Variants in COL26A1 observed in about 807,000 individuals in gnomAD.
COL26A1 encodes collagen alpha-1(XXVI) chain.
COL26A1 carries 41 observed loss-of-function variants against 59.3 expected under a neutral mutation model. The observed-to-expected ratio is 0.69, with a 90% CI of 0.54 to 0.90. COL26A1 has a LOEUF of 0.90. Among genes scored for constraint, COL26A1 ranks in the 40% least tolerant of loss-of-function variants. The pLI, the probability that COL26A1 is intolerant of heterozygous loss-of-function variation, is 0.00. For synonymous variants in COL26A1, 266 were observed against 256.0 expected, an observed-to-expected ratio of 1.04 and a Z score of -0.37; for missense variants, 612 against 602.3, an observed-to-expected ratio of 1.02 and a Z score of -0.17.
chr7:101,505,273 A>G (rs1192313144), intron 3 of COL26A1, among the ~76,000 whole-genome samples: 1 of 151,620 alleles, frequency 6.6e-6, no homozygotes, highest in Non-Finnish European at 1.5e-5. Flanking sequence ...GTGAGTGTGC[A>G]TGAATGTGTA....
chr7:101,398,545 C>G (rs1044772888), intron 1 of COL26A1, among the ~76,000 whole-genome samples: 5 of 152,188 alleles, frequency 3.3e-5, no homozygotes, highest in African/African-American at 4.8e-5. Context: ...CAAGCAGCCT[C>G]TAAGATGTCA....
At chr7:101,387,019 G>A (rs1336013999) in intron 1 of COL26A1, among the ~76,000 whole-genome samples, 1 of 152,124 alleles carries the variant, frequency 6.6e-6, no homozygotes, top group Non-Finnish European at 1.5e-5. Flanking sequence ...TAGGGTTACC[G>A]CACACCAGGA....
intron 3 of COL26A1, among the ~76,000 whole-genome samples, chr7:101,476,326 T>C (rs1047438961): frequency 6.6e-6 from 1 of 152,144 alleles, no homozygotes; most frequent in African/African-American, 2.4e-5. Context: ...TATATGCCCA[T>C]GTGTTAGTGT....
chr7:101,496,825 G>A (rs1368555015), intron 3 of COL26A1, among the ~76,000 whole-genome samples: 1 of 151,618 alleles, frequency 6.6e-6, no homozygotes, highest in East Asian at 1.9e-4. Flanking sequence ...GGTGGAGGTT[G>A]CAGTGAGCCG....
Position 101,411,441 on chromosome 7 carries a change from G to A in COL26A1, c.159-8536G>A, listed in dbSNP as rs1584384131. ...ACTGCAGGCTGGGAGGGCAGGAGGG[G>A]CCGAGGTTCAGGACCACCATGGGAG... On this transcript the variant is annotated intron_variant, in intron 1 of 12. Transcript: ENST00000313669. Among the ~76,000 whole-genome samples, 4 of 152,172 alleles carry A rather than the reference G, an allele frequency of 2.6e-5. 1 individual carries two copies. Among genetic ancestry groups the A allele is most frequent in the Admixed American group, 2.6e-4 (4 of 15,286 alleles).
At chr7:101,369,905 C>T (rs536329938) in intron 1 of COL26A1, among the ~76,000 whole-genome samples, 46 of 152,118 alleles carry the variant, frequency 3.0e-4, no homozygotes, top group Non-Finnish European at 5.4e-4. Flanking sequence ...TCTTGTTGCC[C>T]ATGCTGGAGT....
At chr7:101,370,547 T>C (rs574695276) in intron 1 of COL26A1, among the ~76,000 whole-genome samples, 108 of 152,028 alleles carry the variant, frequency 7.1e-4, no homozygotes, top group Non-Finnish European at 1.1e-3. Context: ...ATTTTTTGTA[T>C]TTTTAGAAGA....
chr7:101,442,620 AAGGCGTGACTCCCC>A (rs1793086193), intron 2 of COL26A1, among the ~76,000 whole-genome samples: 1 of 152,176 alleles, frequency 6.6e-6, no homozygotes, highest in South Asian at 2.1e-4. Context: ...TGTGGTTTGA[AAGGCGTGACTCCCC>A]AGGCTCCTTA....
intron 1 of COL26A1, among the ~76,000 whole-genome samples, chr7:101,378,582 G>A (rs922631778): frequency 6.6e-6 from 1 of 151,642 alleles, no homozygotes; most frequent in South Asian, 2.1e-4. Context: ...GGCTGGTCTC[G>A]AACTCCTGGC....
chr7:101,457,220 G>A (rs555883158), intron 3 of COL26A1, among the ~76,000 whole-genome samples: 4 of 152,212 alleles, frequency 2.6e-5, no homozygotes, highest in Admixed American at 1.3e-4. Flanking sequence ...ATGAGTCCGG[G>A]TGGGGTCAGT....
At chr7:101,392,648 C>T (rs979238193) in intron 1 of COL26A1, among the ~76,000 whole-genome samples, 4 of 152,002 alleles carry the variant, frequency 2.6e-5, no homozygotes, top group African/African-American at 7.2e-5. Flanking sequence ...GTGATCCACC[C>T]GCCTCAGCCT....
rs142379089 is a variant in COL26A1 at position 101,394,064 on chromosome 7, C to T, written c.159-25913C>T. Among the ~76,000 whole-genome samples the T allele has an allele frequency of 4.2e-3, 643 of 151,954 alleles. 3 individuals carry two copies. Among genetic ancestry groups the T allele is most frequent in the African/African-American group, 0.014 (591 of 41,434 alleles). ...AAGTGCTGGGATTATAGGCATGAGC[C>T]ACTGCGCCTGGCTGGGAACCAATGC... On this transcript the variant is annotated intron_variant, in intron 1 of 12. Transcript: ENST00000313669.
Position 101,420,022 on chromosome 7 carries a change from G to A in COL26A1, c.204G>A (p.Val68=). The A allele has an allele frequency of 6.2e-7, 1 of 1,613,818 alleles. No homozygotes were observed. Among genetic ancestry groups the A allele is most frequent in the Non-Finnish European group, 8.5e-7 (1 of 1,179,886 alleles). ...TGACACGGACGGTGTCCTGCCAGGT[G>A]CAGAATGGCTCGGAGACGGTGGTCC... is the stretch of plus-strand genomic sequence containing the variant. ...HTVTRTVSCQ[V]QNGSETVVQR... is the part of the protein sequence containing the mutation. The change falls in exon 2 of 13, where the codon GTG becomes GTA. Residue 68 remains valine, a synonymous_variant. Transcript: ENST00000313669.
At chr7:101,376,905 C>T (rs1791330550) in intron 1 of COL26A1, among the ~76,000 whole-genome samples, 1 of 152,142 alleles carries the variant, frequency 6.6e-6, no homozygotes, top group African/African-American at 2.4e-5. Context: ...GTCACCCAGA[C>T]TAGAGTGCAG....
At chr7:101,480,731 G>A (rs1794138382) in intron 3 of COL26A1, among the ~76,000 whole-genome samples, 1 of 152,110 alleles carries the variant, frequency 6.6e-6, no homozygotes, top group Non-Finnish European at 1.5e-5. Context: ...TCGAACTCTT[G>A]GGCTCAAGCG....
intron 7 of COL26A1, 56 bp downstream of exon 7, chr7:101,545,546 G>A: frequency 6.5e-7 from 1 of 1,536,616 alleles, no homozygotes. Context: ...TGTTCTGGGA[G>A]GGATCAGCCT....
At chr7:101,443,519 A>G (rs1793111096) in intron 2 of COL26A1, among the ~76,000 whole-genome samples, 1 of 152,118 alleles carries the variant, frequency 6.6e-6, no homozygotes, top group South Asian at 2.1e-4. Context: ...TGATTGTTTC[A>G]TTCACCGATT....
At chr7:101,412,523 T>C (rs1792266467) in intron 1 of COL26A1, among the ~76,000 whole-genome samples, 1 of 151,504 alleles carries the variant, frequency 6.6e-6, no homozygotes, top group South Asian at 2.1e-4. Flanking sequence ...TGTGCACCTG[T>C]AATCCCAGCT....
intron 1 of COL26A1, among the ~76,000 whole-genome samples, chr7:101,411,426 G>A (rs1490794647): frequency 1.3e-5 from 2 of 152,144 alleles, no homozygotes; most frequent in Non-Finnish European, 2.9e-5. Context: ...ACTGCAGGCT[G>A]GGAGGGCAGG....
Sources: gnomAD v4.1 joint callset for allele counts (sites outside exome capture counted in the v4.1 genomes callset) on GRCh38, gnomAD v4.1.1 for gene constraint, MANE v1.5 for transcripts, NCBI Gene and HGNC (gene_info 2026-07-23, HGNC 2026-07-21) for gene names.